Variants in WSB2 observed in about 807,000 individuals in gnomAD.
The protein encoded by WSB2 is WD repeat and SOCS box-containing protein 2.
A neutral mutation model predicts 48.8 loss-of-function variants in WSB2; 12 were observed. That is an observed-to-expected ratio of 0.25 (90% CI 0.16 to 0.40). The LOEUF (loss-of-function observed/expected upper bound fraction) is 0.40. Among genes scored for constraint, WSB2 ranks in the 10% least tolerant of loss-of-function variants. The pLI is 1.00. For synonymous variants in WSB2, 191 were observed against 203.1 expected (o/e 0.94, Z 0.51); for missense variants, 317 against 506.2 (o/e 0.63, Z 3.59).
rs1218113500 is a variant in WSB2 at position 118,060,667 on chromosome 12, C to G, written c.13+369G>C. On this transcript the variant is annotated intron_variant, in intron 1 of 8. Coordinates refer to ENST00000315436, the MANE Select transcript of WSB2 (RefSeq NM_018639.5). This position sits in a 1 kb window ranked among gnomAD's most constrained non-coding sequence, Gnocchi z 4.1. Reference sequence around the variant, plus strand: ...AGACATGCAAGTGCGTCCCCTGGCACCTGGGTACCCAGGGGCACCCACCCC... The same window carrying G: ...AGACATGCAAGTGCGTCCCCTGGCAGCTGGGTACCCAGGGGCACCCACCCC... 6.6e-6 allele frequency among the ~76,000 whole-genome samples: 1 copy of G among 152,090 alleles called. No homozygotes were observed. The highest frequency in any genetic ancestry group is 2.4e-5 in the African/African-American group (1 of 41,438).
intron 2 of WSB2, among the ~76,000 whole-genome samples, chr12:118,048,562 A>C (rs1009692831): frequency 2.0e-5 from 3 of 150,342 alleles, no homozygotes; most frequent in Admixed American, 1.3e-4. Flanking sequence ...TCTGGCCTGG[A>C]TGACAGAGCA....
At position 118,057,312 on chromosome 12, in the gene WSB2, C is replaced by T. The variant is rs544388199; in HGVS notation, c.13+3724G>A. Among the ~76,000 whole-genome samples the T allele has an allele frequency of 6.9e-3, 1,044 of 152,076 alleles. 8 individuals carry two copies. The highest frequency in any genetic ancestry group is 0.011 in the Non-Finnish European group (770 of 67,956). ...TTTTTTGAGACAGAGTCTCACTCTG[C>T]TGCCCAGGCTGGAGTGCAGTGGCGC... On this transcript the variant is annotated intron_variant, in intron 1 of 8. Coordinates refer to ENST00000315436, the MANE Select transcript of WSB2 (RefSeq NM_018639.5).
chr12:118,040,946 G>A (rs1220149849), intron 4 of WSB2, among the ~76,000 whole-genome samples: 1 of 152,262 alleles, frequency 6.6e-6, no homozygotes, highest in Admixed American at 6.5e-5. Context: ...CTACTTGGGA[G>A]GCTGAGACAC....
intron 1 of WSB2, among the ~76,000 whole-genome samples, chr12:118,058,854 G>A (rs1317446323): frequency 6.6e-6 from 1 of 151,844 alleles, no homozygotes; most frequent in African/African-American, 2.4e-5. Context: ...GCACCACCAC[G>A]CCTGGTTAAT....
At chr12:118,056,527 C>T (rs370734147) in intron 1 of WSB2, among the ~76,000 whole-genome samples, 1 of 152,190 alleles carries the variant, frequency 6.6e-6, no homozygotes, top group East Asian at 1.9e-4. Flanking sequence ...CCAGAGCTGG[C>T]AGAGTTCCTG....
upstream of WSB2, chr12:118,061,999 C>A: frequency 9.6e-7 from 1 of 1,042,838 alleles, no homozygotes; most frequent in Non-Finnish European, 1.3e-6. Context: ...GAACACGGGG[C>A]GGTGGGGAGA....
chr12:118,034,538 G>T, intron 8 of WSB2, 180 bp from the exon 9 acceptor site: 3 of 677,902 alleles, frequency 4.4e-6, no homozygotes, highest in East Asian at 2.9e-5. Flanking sequence ...CTGCTGATAG[G>T]ATTAGAAAAA....
At chr12:118,056,302 C>T (rs1768878627) in intron 1 of WSB2, among the ~76,000 whole-genome samples, 1 of 152,152 alleles carries the variant, frequency 6.6e-6, no homozygotes, top group South Asian at 2.1e-4. Context: ...ACCAACCATG[C>T]CCTTCACCTG....
At chr12:118,049,010 T>C (rs1003617788) in intron 2 of WSB2, among the ~76,000 whole-genome samples, 10 of 152,228 alleles carry the variant, frequency 6.6e-5, no homozygotes, top group African/African-American at 1.4e-4. Flanking sequence ...TATTTATCTA[T>C]ACAAATTTGA....
At position 118,033,577 on chromosome 12, in the gene WSB2, G is replaced by A. The variant is rs531283043; in HGVS notation, c.*619C>T. ...AAAAAAAAAAAAAGCCAGTAATAGT[G>A]TCTGGATCGGTCAGGAGCACGGCCT... On this transcript the variant is annotated 3_prime_UTR_variant, in exon 9 of 9. Transcript: ENST00000315436. 1 of 149,084 alleles carries A rather than the reference G, an allele frequency of 6.7e-6. No homozygotes were observed. Among genetic ancestry groups the A allele is most frequent in the South Asian group, 2.1e-4 (1 of 4,718 alleles). The allele number at this position is 149,084 out of a possible 1,614,324, so 9.2% of individuals were successfully genotyped here.
intron 6 of WSB2, 136 bp from the exon 7 acceptor site, chr12:118,035,460 G>A (rs2031489991): frequency 1.4e-6 from 1 of 717,884 alleles, no homozygotes; most frequent in Non-Finnish European, 2.3e-6. Context: ...TCGTGGAAAA[G>A]CTTGGGATTT....
intron 6 of WSB2, chr12:118,035,966 A>G: frequency 1.2e-5 from 2 of 168,270 alleles, no homozygotes; most frequent in Non-Finnish European, 1.3e-5. Context: ...AGTTTGGGAG[A>G]CTGAGGCGGT....
upstream of WSB2, chr12:118,062,127 C>G (rs1169883992): frequency 6.5e-7 from 1 of 1,535,278 alleles, no homozygotes; most frequent in Non-Finnish European, 8.7e-7. Context: ...CTGTCCCCGT[C>G]CCCCTGAGAA....
At chr12:118,047,370 C>A (rs937076580) in intron 2 of WSB2, among the ~76,000 whole-genome samples, 1 of 151,806 alleles carries the variant, frequency 6.6e-6, no homozygotes. Context: ...GCTGATGAGG[C>A]AAGACAGATT....
At chr12:118,050,438 C>T (rs1483009243) in intron 2 of WSB2, among the ~76,000 whole-genome samples, 1 of 151,862 alleles carries the variant, frequency 6.6e-6, no homozygotes, top group Non-Finnish European at 1.5e-5. Context: ...TTCTTGAGGC[C>T]AGGAGTTCAA....
chr12:118,034,272 A>C lies in WSB2; in HGVS notation c.1139T>G (p.Phe380Cys), dbSNP rs2137757590. The C allele has an allele frequency of 6.2e-7, 1 of 1,614,234 alleles. No homozygotes were observed. Among genetic ancestry groups the C allele is most frequent in the Non-Finnish European group, 8.5e-7 (1 of 1,180,040 alleles). The change falls in exon 9 of 9, where the codon TTC becomes TGC. Residue 380 changes from phenylalanine (F) to cysteine (C), a missense_variant. By Grantham distance (205) the Phe-to-Cys change is radical (BLOSUM62 -2). Transcript: ENST00000315436. ...TGCTAGGACTTGGTAAGTTGTTAGG[A>C]AACTTCGAAGGGCTTTCCGGCATAA... ...KHLCRKALRS[F>C]LTTYQVLALP...
chr12:118,043,035 C>A (rs1454770799), intron 3 of WSB2, 63 bp from the exon 4 acceptor site: 4 of 1,613,302 alleles, frequency 2.5e-6, no homozygotes, highest in Non-Finnish European at 3.4e-6. Flanking sequence ...CCTGCCACGG[C>A]CACACCCCTT....
chr12:118,041,397 G>A (rs2031633277), intron 4 of WSB2, among the ~76,000 whole-genome samples: 1 of 152,262 alleles, frequency 6.6e-6, no homozygotes, highest in Admixed American at 6.5e-5. Context: ...CTTCGCTCAC[G>A]GACTCCCCAA....
chr12:118,046,803 TC>T (rs1232227299), intron 2 of WSB2, among the ~76,000 whole-genome samples: 7 of 152,216 alleles, frequency 4.6e-5, no homozygotes, highest in Admixed American at 6.5e-5. Flanking sequence ...ACAGGGTCTC[TC>T]TCTGGCACCC....
Sources: gnomAD v4.1 joint callset for allele counts (sites outside exome capture counted in the v4.1 genomes callset) on GRCh38, gnomAD v4.1.1 for gene constraint, Gnocchi (gnomAD v3.1) non-coding constraint, MANE v1.5 for transcripts, NCBI Gene and HGNC (gene_info 2026-07-23, HGNC 2026-07-21) for gene names.